The following SLC14A1 variants were observed in gnomAD, a reference collection of about 807,000 sequenced individuals.
SLC14A1 encodes the protein urea transporter 1.
A neutral mutation model predicts 39.6 loss-of-function variants in SLC14A1; 36 were observed. That is an observed-to-expected ratio of 0.91 (90% CI 0.70 to 1.20). SLC14A1 has a LOEUF of 1.20. Ranked by LOEUF, SLC14A1 falls within the 50% of genes most tolerant of loss-of-function variation. The probability of loss-of-function intolerance (pLI) is 0.00; values close to 1 mark genes in which losing one functional copy is unlikely to be tolerated. For missense variants in SLC14A1, 469 were observed against 478.7 expected, an observed-to-expected ratio of 0.98 and a Z score of 0.19; for synonymous variants, 164 against 173.6, an observed-to-expected ratio of 0.94 and a Z score of 0.43.
Position 45,749,767 on chromosome 18 carries a change from T to G in SLC14A1, c.997-11T>G. On this transcript the variant is annotated splice_polypyrimidine_tract_variant and intron_variant, in intron 9 of 9. Coordinates refer to ENST00000321925, the MANE Select transcript of SLC14A1 (RefSeq NM_015865.7). ...TCTGAAAGGAGCGTGTGGCTTTCTC[T>G]TCTTCCCCAGGTTGGATTGCCAGCT... The G allele has an allele frequency of 6.2e-7, 1 of 1,614,192 alleles. No individual in the cohort carries two copies. The highest frequency in any genetic ancestry group is 8.5e-7 in the Non-Finnish European group (1 of 1,180,018).
At chr18:45,733,713 G>T (rs1286794918) in intron 4 of SLC14A1, among the ~76,000 whole-genome samples, 1 of 152,312 alleles carries the variant, frequency 6.6e-6, no homozygotes, top group African/African-American at 2.4e-5. Context: ...TGTAGAGGGA[G>T]TCATTCTCTA....
chr18:45,747,539 A>C (rs1422115213), intron 8 of SLC14A1, among the ~76,000 whole-genome samples: 1 of 151,920 alleles, frequency 6.6e-6, no homozygotes, highest in African/African-American at 2.4e-5. Flanking sequence ...ATACAAAAAA[A>C]AAAAAATTAG....
At chr18:45,749,302 A>G (rs1418640829) in intron 9 of SLC14A1, among the ~76,000 whole-genome samples, 1 of 152,096 alleles carries the variant, frequency 6.6e-6, no homozygotes, top group Non-Finnish European at 1.5e-5. Flanking sequence ...AAGAGGACCT[A>G]CCCTCAAGGA....
chr18:45,740,256 G>A (rs1465084241), intron 8 of SLC14A1, among the ~76,000 whole-genome samples: 3 of 152,158 alleles, frequency 2.0e-5, no homozygotes, highest in Admixed American at 2.0e-4. Context: ...ACAGAGCAAT[G>A]TCCCCTGGTA....
chr18:45,729,098 C>T (rs1484130259), intron 2 of SLC14A1: 1 of 152,170 alleles, frequency 6.6e-6, no homozygotes, highest in Non-Finnish European at 1.5e-5. Flanking sequence ...TGATCACAGC[C>T]TGGCAACACA....
intron 8 of SLC14A1, among the ~76,000 whole-genome samples, chr18:45,744,262 C>A (rs1217941874): frequency 6.6e-6 from 1 of 152,198 alleles, no homozygotes; most frequent in Non-Finnish European, 1.5e-5. Flanking sequence ...GATCCACCTG[C>A]CTCGGCCTCC....
intron 1 of SLC14A1, among the ~76,000 whole-genome samples, chr18:45,724,580 G>A (rs1277751417): frequency 6.6e-6 from 1 of 152,186 alleles, no homozygotes; most frequent in Non-Finnish European, 1.5e-5. Context: ...ATGATTCTGG[G>A]TTAATCAACA....
rs577598781 is a variant in SLC14A1 at position 45,734,127 on chromosome 18, G to T, written c.342-147G>T. 3.0e-6 allele frequency: 3 copies of T among 988,802 alleles called. No individual in the cohort carries two copies. In the East Asian group the frequency reaches 7.8e-5, roughly 26 times the overall value. The allele number at this position is 988,802 out of a possible 1,614,324, so 61.3% of individuals were successfully genotyped here. On this transcript the variant is annotated intron_variant, in intron 4 of 9. Transcript: ENST00000321925. ...TTCATGTCTTTATTAGTTTTTGTAC[G>T]ATGCTTACGTAGACTTTGAAATACA...
chr18:45,727,434 G>A, intron 2 of SLC14A1: 2 of 1,531,902 alleles, frequency 1.3e-6, no homozygotes, highest in Non-Finnish European at 1.8e-6. Context: ...CTTCCTTCGT[G>A]CAGCCTCTGG....
chr18:45,744,265 C>T (rs1599315355), intron 8 of SLC14A1, among the ~76,000 whole-genome samples: 3 of 152,148 alleles, frequency 2.0e-5, no homozygotes, highest in East Asian at 3.8e-4. Context: ...CCACCTGCCT[C>T]GGCCTCCCAA....
chr18:45,727,876 A>G (rs1240254591), intron 2 of SLC14A1, among the ~76,000 whole-genome samples: 3 of 152,168 alleles, frequency 2.0e-5, no homozygotes, highest in African/African-American at 7.2e-5. Context: ...GCCAACTACA[A>G]CTGTAAGTTT....
chr18:45,739,294 G>C lies in SLC14A1; in HGVS notation c.795G>C (p.Leu265Phe). 1.2e-6 allele frequency: 2 copies of C among 1,614,146 alleles called. No individual in the cohort carries two copies. Among genetic ancestry groups the C allele is most frequent in the Non-Finnish European group, 1.7e-6 (2 of 1,180,024 alleles). The change falls in exon 7 of 10, where the codon TTG becomes TTC. Residue 265 changes from leucine to phenylalanine, a missense_variant. Physicochemically the swap from Leu to Phe is conservative, Grantham distance 22. Transcript: ENST00000321925. ...LMCLHAAIGSLLGIAAGLSLS... is the reference protein window; with the variant it reads ...LMCLHAAIGSFLGIAAGLSLS... ...GCCTGCATGCTGCCATAGGATCATT[G>C]CTGGGCATAGCAGCGGGTGAGCACA...
chr18:45,748,039 A>G (rs1168815487), intron 8 of SLC14A1, among the ~76,000 whole-genome samples: 4 of 152,258 alleles, frequency 2.6e-5, no homozygotes, highest in African/African-American at 9.6e-5. Flanking sequence ...AGTATTAGCA[A>G]TAACAACAAA....
intron 2 of SLC14A1, among the ~76,000 whole-genome samples, chr18:45,726,466 A>G (rs2046865880): frequency 6.6e-6 from 1 of 152,208 alleles, no homozygotes; most frequent in South Asian, 2.1e-4. Flanking sequence ...ATTCAACTAA[A>G]AACTGTTTAT....
intron 8 of SLC14A1, among the ~76,000 whole-genome samples, chr18:45,743,147 A>T (rs551193830): frequency 1.1e-4 from 16 of 152,248 alleles, no homozygotes; most frequent in Non-Finnish European, 1.9e-4. Context: ...AATGTATGAA[A>T]CAGAAAGTGG....
intron 8 of SLC14A1, among the ~76,000 whole-genome samples, chr18:45,740,681 C>T (rs1042580710): frequency 6.6e-6 from 1 of 152,052 alleles, no homozygotes; most frequent in African/African-American, 2.4e-5. Context: ...GCTAGGACCA[C>T]AGGCGTGCCA....
chr18:45,745,617 G>A (rs1299409463), intron 8 of SLC14A1, among the ~76,000 whole-genome samples: 2 of 152,168 alleles, frequency 1.3e-5, no homozygotes, highest in Non-Finnish European at 2.9e-5. Context: ...TGTGTACTTT[G>A]TACAAGCATT....
chr18:45,745,630 T>G (rs28898892), intron 8 of SLC14A1, among the ~76,000 whole-genome samples: 1,991 of 152,342 alleles, frequency 0.013, 49 homozygotes, highest in African/African-American at 0.045. Context: ...CAAGCATTTC[T>G]GTAAGAAAGA....
At position 45,750,582 on chromosome 18, in the gene SLC14A1, C is replaced by G. The variant is rs756720471; in HGVS notation, c.*631C>G. 80 of 986,334 alleles carry G rather than the reference C, an allele frequency of 8.1e-5. No individual in the cohort carries two copies. Among genetic ancestry groups the G allele is most frequent in the Non-Finnish European group, 9.4e-5 (78 of 830,748 alleles). 61.1% of individuals were successfully genotyped at this position (986,334 alleles called of 1,614,324 possible). A position where few individuals can be genotyped will look rare whatever the true frequency, so the allele number is the denominator to read the frequency against. ...GGGGTTTTTCAGACTGACAGGACTG[C>G]AAGAGGGAGAAAGGAATTTTGTCAA... On this transcript the variant is annotated 3_prime_UTR_variant, in exon 10 of 10. Transcript: ENST00000321925.
Sources: gnomAD v4.1 joint callset for allele counts (sites outside exome capture counted in the v4.1 genomes callset) on GRCh38, gnomAD v4.1.1 for gene constraint, MANE v1.5 for transcripts, NCBI Gene and HGNC (gene_info 2026-07-23, HGNC 2026-07-21) for gene names.